The following SEZ6L variants were observed in gnomAD, a reference collection of about 807,000 sequenced individuals.
SEZ6L encodes the protein seizure 6-like protein.
SEZ6L carries 37 observed loss-of-function variants against 106.2 expected under a neutral mutation model. The observed-to-expected ratio is 0.35, with a 90% CI of 0.27 to 0.46. The LOEUF is 0.46. Among genes scored for constraint, SEZ6L ranks in the 20% least tolerant of loss-of-function variants. The pLI is 1.00. For missense variants in SEZ6L, 1,172 were observed against 1,332.8 expected (o/e 0.88, Z 1.88); for synonymous variants, 541 against 570.4 (o/e 0.95, Z 0.73).
At chr22:26,294,522 G>C (rs2081234493) in intron 3 of SEZ6L, 97 bp downstream of exon 3, 1 of 1,347,650 alleles carries the variant, frequency 7.4e-7, no homozygotes, top group Admixed American at 2.0e-5. Context: ...TAACTAGTTT[G>C]GTTCTGTCTT....
chr22:26,375,504 A>T, intron 14 of SEZ6L, 71 bp from the exon 15 acceptor site: 1 of 1,248,064 alleles, frequency 8.0e-7, no homozygotes, highest in South Asian at 1.2e-5. Flanking sequence ...GGGGTGGAGA[A>T]CTGGGCAGTT....
Position 26,380,415 on chromosome 22 carries a change from C to A in SEZ6L, c.*120C>A. The A allele has an allele frequency of 1.3e-6, 1 of 752,838 alleles. No homozygotes were observed. Among genetic ancestry groups the A allele is most frequent in the Non-Finnish European group, 2.3e-6 (1 of 432,804 alleles). The allele number at this position is 752,838 out of a possible 1,614,324, so 46.6% of individuals were successfully genotyped here. A position where few individuals can be genotyped will look rare whatever the true frequency, so the allele number is the denominator to read the frequency against. ...GAATGTCGACTGTCTTTTGTTTAGA[C>A]TCTTTATCAAAGGTTTACTGTTTTC... On this transcript the variant is annotated 3_prime_UTR_variant, in exon 17 of 17. Coordinates refer to ENST00000248933, the MANE Select transcript of SEZ6L (RefSeq NM_021115.5).
intron 1 of SEZ6L, among the ~76,000 whole-genome samples, chr22:26,247,858 G>C (rs2079415756): frequency 6.6e-6 from 1 of 152,168 alleles, no homozygotes; most frequent in African/African-American, 2.4e-5. Context: ...CCATGCAAAG[G>C]TTGTAGAACA....
chr22:26,342,875 G>A (rs1009062491), intron 10 of SEZ6L, among the ~76,000 whole-genome samples: 1 of 152,084 alleles, frequency 6.6e-6, no homozygotes, highest in African/African-American at 2.4e-5. Flanking sequence ...CTTGACCATG[G>A]GCTGTTTCAA....
intron 6 of SEZ6L, among the ~76,000 whole-genome samples, chr22:26,308,256 C>T (rs759081932): frequency 6.7e-6 from 1 of 150,254 alleles, no homozygotes; most frequent in African/African-American, 2.5e-5. Context: ...TCCAAAAATA[C>T]AGAGGGAGGG....
intron 5 of SEZ6L, among the ~76,000 whole-genome samples, chr22:26,303,090 G>C (rs2081507055): frequency 6.6e-6 from 1 of 152,240 alleles, no homozygotes; most frequent in Non-Finnish European, 1.5e-5. Flanking sequence ...CATGTGACTT[G>C]TCTTAGATCC....
At chr22:26,337,374 T>C (rs1458857420) in intron 9 of SEZ6L, among the ~76,000 whole-genome samples, 1 of 152,212 alleles carries the variant, frequency 6.6e-6, no homozygotes, top group East Asian at 1.9e-4. Flanking sequence ...AAGATGTGCA[T>C]TGTCTGTAAA....
At chr22:26,244,840 A>G (rs1372942585) in intron 1 of SEZ6L, among the ~76,000 whole-genome samples, 1 of 152,210 alleles carries the variant, frequency 6.6e-6, no homozygotes, top group Non-Finnish European at 1.5e-5. Flanking sequence ...CTGGGAAACC[A>G]CAGACTGATG....
rs1161090599 is a variant in SEZ6L at position 26,292,706 on chromosome 22, T to A, written c.395T>A (p.Leu132Gln). ...CAGGTGAACTCTGCCAGGAAGCAGC[T>A]GAGGCCCAAGGCCACCTCCGCAGCC... ...LKQVNSARKQLRPKATSAATV... is the reference protein window; with the variant it reads ...LKQVNSARKQQRPKATSAATV... The change falls in exon 2 of 17, where the codon CTG becomes CAG. Residue 132 changes from leucine (L) to glutamine (Q), a missense_variant. This residue lies in a region of SEZ6L where 494 missense variants were observed against 445.8 expected (regional missense o/e 1.11). Transcript: ENST00000248933. 1.2e-6 allele frequency: 2 copies of A among 1,613,690 alleles called. No homozygotes were observed. Among genetic ancestry groups the A allele is most frequent in the Non-Finnish European group, 1.7e-6 (2 of 1,179,938 alleles).
At chr22:26,290,459 G>A (rs1439392562) in intron 1 of SEZ6L, among the ~76,000 whole-genome samples, 1 of 152,216 alleles carries the variant, frequency 6.6e-6, no homozygotes, top group African/African-American at 2.4e-5. Flanking sequence ...GTGAACCCGG[G>A]AGGCGGAGCT....
chr22:26,363,903 C>T (rs2083719406), intron 12 of SEZ6L, among the ~76,000 whole-genome samples: 1 of 152,194 alleles, frequency 6.6e-6, no homozygotes, highest in Non-Finnish European at 1.5e-5. Context: ...GAGAAAGAAG[C>T]CAGTCACAGA....
At chr22:26,288,441 A>G (rs1485393825) in intron 1 of SEZ6L, among the ~76,000 whole-genome samples, 1 of 152,180 alleles carries the variant, frequency 6.6e-6, no homozygotes, top group Non-Finnish European at 1.5e-5. Flanking sequence ...GCAGAGACAA[A>G]CAAAATGAGA....
At chr22:26,363,350 G>A (rs1030712732) in intron 12 of SEZ6L, among the ~76,000 whole-genome samples, 4 of 152,168 alleles carry the variant, frequency 2.6e-5, no homozygotes, top group East Asian at 3.9e-4. Context: ...AGTGCCGTAG[G>A]ACCAGGGATT....
chr22:26,278,896 A>G (rs925993131), intron 1 of SEZ6L, among the ~76,000 whole-genome samples: 2 of 147,808 alleles, frequency 1.4e-5, no homozygotes, highest in Non-Finnish European at 3.0e-5. Context: ...AGAAAGAAAG[A>G]AGGAGAGGAA....
intron 1 of SEZ6L, among the ~76,000 whole-genome samples, chr22:26,201,383 A>AC (rs1556066907): frequency 3.2e-4 from 5 of 15,654 alleles, no homozygotes; most frequent in African/African-American, 2.9e-3. Flanking sequence ...ACAAAAATAC[A>AC]AAAAAAAAAA....
At chr22:26,233,856 A>G (rs541457493) in intron 1 of SEZ6L, among the ~76,000 whole-genome samples, 1 of 152,242 alleles carries the variant, frequency 6.6e-6, no homozygotes, top group South Asian at 2.1e-4. Flanking sequence ...GTGACATTTG[A>G]GCTGGGGCCT....
chr22:26,262,246 A>ATCTATCTATCTATCTG (rs1458676188), intron 1 of SEZ6L, among the ~76,000 whole-genome samples: 2 of 122,438 alleles, frequency 1.6e-5, no homozygotes, highest in East Asian at 3.9e-4. Context: ...GATATATTTT[A>ATCTATCTATCTATCTG]TCTATCTATC....
intron 9 of SEZ6L, among the ~76,000 whole-genome samples, chr22:26,318,190 C>G (rs1260698290): frequency 2.6e-5 from 4 of 152,028 alleles, no homozygotes; most frequent in Non-Finnish European, 4.4e-5. Flanking sequence ...TCTCCTGCCT[C>G]AGCCTCATGA....
intron 5 of SEZ6L, among the ~76,000 whole-genome samples, chr22:26,302,057 C>T (rs544066261): frequency 6.6e-6 from 1 of 152,272 alleles, no homozygotes; most frequent in South Asian, 2.1e-4. Flanking sequence ...TCTACTATTT[C>T]ACTTGAACTC....
Sources: gnomAD v4.1 joint callset for allele counts (sites outside exome capture counted in the v4.1 genomes callset) on GRCh38, gnomAD v4.1.1 for gene constraint, gnomAD v4.1.1 regional missense constraint, MANE v1.5 for transcripts, NCBI Gene and HGNC (gene_info 2026-07-23, HGNC 2026-07-21) for gene names.